DGKB: variants seen among roughly 807,000 people sequenced by gnomAD.
The protein encoded by DGKB is diacylglycerol kinase beta.
Under a neutral mutation model 114.3 loss-of-function variants are expected in DGKB, and 67 were observed. That is an observed-to-expected ratio of 0.59 (90% confidence interval 0.48 to 0.72). DGKB has a LOEUF of 0.72. Among genes scored for constraint, DGKB ranks in the 30% least tolerant of loss-of-function variants. The pLI is 0.00. For missense variants in DGKB, 907 were observed against 975.2 expected (o/e 0.93, Z 0.93); for synonymous variants, 398 against 323.1 (o/e 1.23, Z -2.49).
chr7:14,729,247 C>G (rs889549627), intron 5 of DGKB, among the ~76,000 whole-genome samples: 3 of 150,144 alleles, frequency 2.0e-5, no homozygotes, highest in African/African-American at 4.9e-5. Flanking sequence ...CTCAGCCTCC[C>G]GAGTAGCTGG....
intron 21 of DGKB, among the ~76,000 whole-genome samples, chr7:14,442,844 C>T (rs1005721526): frequency 1.5e-4 from 23 of 152,108 alleles, no homozygotes; most frequent in Non-Finnish European, 4.4e-5. Context: ...CTGTGCCCCA[C>T]TCTATGCCAT....
chr7:14,641,837 A>G (rs73680299), intron 13 of DGKB, among the ~76,000 whole-genome samples: 6,013 of 152,148 alleles, frequency 0.04, 376 homozygotes, highest in African/African-American at 0.14. Flanking sequence ...TATAATGTTT[A>G]TGTACATTTA....
chr7:14,240,126 A>G (rs997778415), intron 23 of DGKB, among the ~76,000 whole-genome samples: 2 of 152,098 alleles, frequency 1.3e-5, no homozygotes, highest in African/African-American at 2.4e-5. Flanking sequence ...TATCAATTAC[A>G]TATTACCAAT....
At chr7:14,326,209 T>C (rs1207484721) in intron 23 of DGKB, among the ~76,000 whole-genome samples, 1 of 151,958 alleles carries the variant, frequency 6.6e-6, no homozygotes, top group Non-Finnish European at 1.5e-5. Flanking sequence ...AGCTGCTAAG[T>C]GGAAAAGAAA....
At chr7:14,425,866 G>A (rs902726681) in intron 21 of DGKB, among the ~76,000 whole-genome samples, 1 of 152,070 alleles carries the variant, frequency 6.6e-6, no homozygotes, top group African/African-American at 2.4e-5. Flanking sequence ...ATCACTTTAA[G>A]TCAGTATTAC....
intron 1 of DGKB, among the ~76,000 whole-genome samples, chr7:14,951,793 AT>A (rs969402699): frequency 6.6e-6 from 1 of 151,942 alleles, no homozygotes; most frequent in African/African-American, 2.4e-5. Context: ...TTTTCTACTC[AT>A]TTTTCCTATA....
At position 14,723,569 on chromosome 7, in the gene DGKB, A is replaced by ATG. The variant is rs749175012; in HGVS notation, c.323-4886_323-4885dup. Among the ~76,000 whole-genome samples, 464 of 149,646 alleles carry ATG rather than the reference A, an allele frequency of 3.1e-3. 4 individuals are homozygous for ATG. Among genetic ancestry groups the ATG allele is most frequent in the East Asian group, 0.024 (124 of 5,142 alleles). On this transcript the variant is annotated intron_variant, in intron 5 of 25. Coordinates refer to ENST00000402815, the MANE Select transcript of DGKB (RefSeq NM_001350709.2). ...AGCAAATGTGTGTGTGTGTATATAT[A>ATG]TGTGTGTGTGTGTGTATATACACAT...
intron 21 of DGKB, among the ~76,000 whole-genome samples, chr7:14,391,960 A>G (rs902629581): frequency 2.0e-5 from 3 of 152,196 alleles, no homozygotes; most frequent in Non-Finnish European, 4.4e-5. Context: ...GTTTGATTAT[A>G]CTTCAACATC....
chr7:14,195,026 G>C (rs1308727793), intron 23 of DGKB, among the ~76,000 whole-genome samples: 1 of 152,136 alleles, frequency 6.6e-6, no homozygotes. Context: ...TAGAGAAAGA[G>C]TTTAAAGACT....
chr7:14,946,942 AAT>A (rs1348192506), intron 1 of DGKB, among the ~76,000 whole-genome samples: 2 of 151,926 alleles, frequency 1.3e-5, no homozygotes, highest in South Asian at 2.1e-4. Flanking sequence ...TTCAAAATGA[AAT>A]AGTTTATTTA....
At chr7:14,207,366 G>A (rs1787005390) in intron 23 of DGKB, among the ~76,000 whole-genome samples, 1 of 152,070 alleles carries the variant, frequency 6.6e-6, no homozygotes, top group Non-Finnish European at 1.5e-5. Flanking sequence ...GTGGCTTGAA[G>A]AGGGAGATAA....
chr7:14,930,852 T>C lies in DGKB; in HGVS notation c.-188+43844A>G, dbSNP rs78561935. 7.9e-5 allele frequency among the ~76,000 whole-genome samples: 12 copies of C among 152,290 alleles called. No individual in the cohort carries two copies. In the East Asian group the frequency reaches 1.2e-3, roughly 15 times the overall value. On this transcript the variant is annotated intron_variant, in intron 1 of 4. Transcript: ENST00000437998. ...ATGTTGGTTGTGGGTTTGTTGTACATGACGTTCTGTATTTTGAGGGATGTT... is the reference window on the plus strand; with the variant it reads ...ATGTTGGTTGTGGGTTTGTTGTACACGACGTTCTGTATTTTGAGGGATGTT...
intron 7 of DGKB, among the ~76,000 whole-genome samples, chr7:14,698,540 G>T (rs1824511198): frequency 6.6e-6 from 1 of 152,068 alleles, no homozygotes; most frequent in East Asian, 1.9e-4. Context: ...ATGTGAAAGG[G>T]TGGACAAATC....
intron 23 of DGKB, among the ~76,000 whole-genome samples, chr7:14,214,220 G>A (rs1438099773): frequency 6.6e-6 from 1 of 152,082 alleles, no homozygotes; most frequent in Non-Finnish European, 1.5e-5. Context: ...ACCCTTGACA[G>A]GGCCTACATG....
rs368337573 is a variant in DGKB, at chr7:14,674,393, T to C, written c.1036-1366A>G. ...GATACTCAGAGCAAATTAAAAGGTA[T>C]AGTTTCCTCAAAATAAAATTAGTGA... On this transcript the variant is annotated intron_variant, in intron 12 of 25. Transcript: ENST00000402815. 1.1e-4 allele frequency among the ~76,000 whole-genome samples: 16 copies of C among 152,284 alleles called. No individual in the cohort carries two copies. The East Asian group carries it at 1.2e-3, about 11-fold the overall frequency.
At chr7:14,562,035 C>T (rs1796731537) in intron 20 of DGKB, among the ~76,000 whole-genome samples, 1 of 152,156 alleles carries the variant, frequency 6.6e-6, no homozygotes, top group African/African-American at 2.4e-5. Context: ...TGTGTGCAGC[C>T]TATAGACTTG....
chr7:14,606,331 T>G (rs1804502809), intron 17 of DGKB, among the ~76,000 whole-genome samples: 1 of 152,028 alleles, frequency 6.6e-6, no homozygotes, highest in Non-Finnish European at 1.5e-5. Flanking sequence ...GTGATGAGCC[T>G]GTCTTCCACA....
chr7:14,344,874 G>A (rs1483588775), intron 22 of DGKB, among the ~76,000 whole-genome samples: 1 of 151,586 alleles, frequency 6.6e-6, no homozygotes, highest in Non-Finnish European at 1.5e-5. Context: ...GAATGGAAAA[G>A]TATACTTTTT....
rs1442245538 is a variant in DGKB at position 14,777,418 on chromosome 7, G to C, written c.71-19687C>G. Among the ~76,000 whole-genome samples the C allele has an allele frequency of 3.9e-5, 6 of 152,202 alleles. No homozygotes were observed. In the East Asian group the frequency reaches 1.2e-3, roughly 30 times the overall value. ...CACCCAAATCTCATCTTGAATTGTA[G>C]TTTCCATAATCCCCACATGTCATGG... On this transcript the variant is annotated intron_variant, in intron 2 of 25. Transcript: ENST00000402815.
Sources: gnomAD v4.1 joint callset for allele counts (sites outside exome capture counted in the v4.1 genomes callset) on GRCh38, gnomAD v4.1.1 for gene constraint, MANE v1.5 for transcripts, NCBI Gene and HGNC (gene_info 2026-07-23, HGNC 2026-07-21) for gene names.